SDHB: variants seen among roughly 807,000 people sequenced by gnomAD.
The protein encoded by SDHB is succinate dehydrogenase complex iron sulfur subunit B, also known as succinate dehydrogenase [ubiquinone] iron-sulfur subunit, mitochondrial.
Under a neutral mutation model 39.7 loss-of-function variants are expected in SDHB, and 21 were observed. The observed-to-expected ratio is 0.53, with a 90% CI of 0.37 to 0.76. SDHB has a LOEUF of 0.76. Among genes scored for constraint, SDHB ranks in the 30% least tolerant of loss-of-function variants. The pLI, the probability that SDHB is intolerant of heterozygous loss-of-function variation, is 0.00. For missense variants in SDHB, 343 were observed against 350.9 expected (o/e 0.98, Z 0.18); for synonymous variants, 118 against 117.0 (o/e 1.01, Z -0.06).
intron 6 of SDHB, chr1:17,023,151 T>C: frequency 3.1e-6 from 1 of 323,626 alleles, no homozygotes; most frequent in South Asian, 2.6e-5. Flanking sequence ...TGTCTACAGA[T>C]AGTATTTGTC....
intron 1 of SDHB, among the ~76,000 whole-genome samples, chr1:17,049,158 T>C (rs2078130214): frequency 6.6e-6 from 1 of 152,096 alleles, no homozygotes; most frequent in Non-Finnish European, 1.5e-5. Context: ...CACCATCATG[T>C]CCAGCTAATT....
At chr1:17,032,934 T>G (rs953087924) in intron 3 of SDHB, 126 bp downstream of exon 3, 2 of 755,318 alleles carry the variant, frequency 2.6e-6, no homozygotes, top group Non-Finnish European at 4.8e-6. Context: ...AGGAATTAGG[T>G]TGCACAGCAA....
intron 2 of SDHB, among the ~76,000 whole-genome samples, chr1:17,042,847 G>A (rs890302333): frequency 6.0e-5 from 9 of 150,270 alleles, no homozygotes; most frequent in Non-Finnish European, 5.9e-5. Context: ...GATTTGCAAC[G>A]TCTTTATTTT....
chr1:17,053,897 C>A (rs1253721546), intron 1 of SDHB, 51 bp downstream of exon 1: 1 of 1,360,132 alleles, frequency 7.4e-7, no homozygotes, highest in Non-Finnish European at 1.0e-6. Context: ...CAGCTCCAGG[C>A]AGTCTCTGTG....
At chr1:17,024,204 A>C (rs2077979933) in intron 5 of SDHB, 130 bp from the exon 6 acceptor site, 1 of 709,206 alleles carries the variant, frequency 1.4e-6, no homozygotes, top group Non-Finnish European at 2.6e-6. Context: ...TTTTCTTAGC[A>C]AAATCCAAGG....
At chr1:17,040,326 T>G (rs2078073097) in intron 2 of SDHB, among the ~76,000 whole-genome samples, 1 of 152,220 alleles carries the variant, frequency 6.6e-6, no homozygotes, top group Non-Finnish European at 1.5e-5. Flanking sequence ...TCACTAAGCT[T>G]CTTGGATATG....
chr1:17,020,417 T>C (rs372797319), intron 7 of SDHB, among the ~76,000 whole-genome samples: 3 of 152,196 alleles, frequency 2.0e-5, no homozygotes, highest in African/African-American at 7.2e-5. Context: ...CCCTTCCAGT[T>C]TCATGATCGG....
chr1:17,044,712 T>G, intron 2 of SDHB, 49 bp downstream of exon 2: 7 of 1,601,108 alleles, frequency 4.4e-6, no homozygotes, highest in Non-Finnish European at 6.0e-6. Flanking sequence ...TGTCCCTAAA[T>G]CAAATCAAGA....
chr1:17,052,258 C>T (rs931069878), intron 1 of SDHB: 4 of 152,134 alleles, frequency 2.6e-5, no homozygotes, highest in African/African-American at 9.7e-5. Flanking sequence ...TACTTACAGG[C>T]AGAATTGTGG....
At chr1:17,021,200 T>A (rs1205224356) in intron 7 of SDHB, among the ~76,000 whole-genome samples, 1 of 152,190 alleles carries the variant, frequency 6.6e-6, no homozygotes, top group East Asian at 1.9e-4. Flanking sequence ...TATTGAGAGG[T>A]GGGACCTTTA....
intron 2 of SDHB, among the ~76,000 whole-genome samples, chr1:17,033,780 G>A (rs747291223): frequency 6.6e-6 from 1 of 152,240 alleles, no homozygotes; most frequent in African/African-American, 2.4e-5. Flanking sequence ...AATCCACTGA[G>A]TGCAGAGAGC....
intron 2 of SDHB, among the ~76,000 whole-genome samples, chr1:17,034,203 G>A (rs1411976367): frequency 1.3e-5 from 2 of 151,862 alleles, no homozygotes; most frequent in African/African-American, 4.8e-5. Flanking sequence ...AGGCTGGAGT[G>A]CAGTGGCACG....
At chr1:17,049,638 C>A (rs1303622019) in intron 1 of SDHB, among the ~76,000 whole-genome samples, 3 of 119,836 alleles carry the variant, frequency 2.5e-5, no homozygotes, top group Non-Finnish European at 4.9e-5. Context: ...GGAGCATAAT[C>A]CCCTAGTTCT....
rs1553177433 is a variant in SDHB, at chr1:17,024,003, G to A, written c.612C>T (p.Asp204=). Residue 204 remains aspartate, a synonymous_variant, in exon 6 of 8, where the codon GAC becomes GAT. Transcript: ENST00000375499. ...TSCPSYWWNG[D]KYLGPAVLMQ... ...TAAGAACTGCAGGCCCCAGATATTT[G>A]TCTCCGTTCCACCAGTAGCTGGGGC... 6.2e-7 allele frequency: 1 copy of A among 1,613,988 alleles called. No homozygotes were observed. The highest frequency in any genetic ancestry group is 8.5e-7 in the Non-Finnish European group (1 of 1,179,944).
At chr1:17,019,866 G>A (rs139615675) in intron 7 of SDHB, among the ~76,000 whole-genome samples, 1 of 152,242 alleles carries the variant, frequency 6.6e-6, no homozygotes, top group Non-Finnish European at 1.5e-5. Flanking sequence ...TCAAGTAACT[G>A]AAACTACAGG....
In SDHB at chr1:17,020,608, G is replaced by A. The variant is rs182151933; in HGVS notation, c.766-1650C>T. Among the ~76,000 whole-genome samples, 280 of 152,298 alleles carry A rather than the reference G, an allele frequency of 1.8e-3. 1 individual carries two copies. Among genetic ancestry groups the A allele is most frequent in the Non-Finnish European group, 3.3e-3 (226 of 68,030 alleles). On this transcript the variant is annotated intron_variant, in intron 7 of 7. Transcript: ENST00000375499. ...GAGCTTCTGAAGAAACACACAGCCA[G>A]GCCCCACCACTGAAGATGCTATCTC...
intron 1 of SDHB, among the ~76,000 whole-genome samples, chr1:17,046,874 G>C (rs1269952278): frequency 6.6e-6 from 1 of 151,894 alleles, no homozygotes; most frequent in African/African-American, 2.4e-5. Flanking sequence ...TGTGCTACCA[G>C]GCCCGGCTAA....
At chr1:17,039,920 C>T (rs1292328859) in intron 2 of SDHB, among the ~76,000 whole-genome samples, 3 of 152,162 alleles carry the variant, frequency 2.0e-5, no homozygotes, top group African/African-American at 4.8e-5. Flanking sequence ...GCTCTTCATT[C>T]CTTTTCTAAG....
intron 1 of SDHB, among the ~76,000 whole-genome samples, chr1:17,048,473 G>A (rs918544771): frequency 2.0e-5 from 3 of 151,604 alleles, no homozygotes; most frequent in Admixed American, 6.6e-5. Context: ...CTGTGTGAAC[G>A]TTACATCTTC....
Sources: gnomAD v4.1 joint callset for allele counts (sites outside exome capture counted in the v4.1 genomes callset) on GRCh38, gnomAD v4.1.1 for gene constraint, MANE v1.5 for transcripts, NCBI Gene and HGNC (gene_info 2026-07-23, HGNC 2026-07-21) for gene names.